PALS1: variants seen among roughly 807,000 people sequenced by gnomAD.
PALS1 encodes protein associated with LIN7 1, MAGUK p55 family member.
A neutral mutation model predicts 78.9 loss-of-function variants in PALS1; 31 were observed. That is an observed-to-expected ratio of 0.39 (90% confidence interval 0.30 to 0.53). The LOEUF (loss-of-function observed/expected upper bound fraction) is 0.53, where lower values mean the gene tolerates loss of function less well. Among genes scored for constraint, PALS1 ranks in the 20% least tolerant of loss-of-function variants. The pLI is 0.67. For missense variants in PALS1, 704 were observed against 826.5 expected (o/e 0.85, Z 1.82); for synonymous variants, 276 against 270.9 (o/e 1.02, Z -0.18).
At position 67,246,652 on chromosome 14, in the gene PALS1, T is replaced by G. The variant is rs1567496872; in HGVS notation, c.-237+5119T>G. ...CACTGAGCCTGGCCTACTATAGGTT[T>G]TTTTTTTTTTTTTTTTTGAGATGGA... On this transcript the variant is annotated intron_variant, in intron 1 of 14. Transcript: ENST00000261681. Among the ~76,000 whole-genome samples, 44 of 145,732 alleles carry G rather than the reference T, an allele frequency of 3.0e-4. 1 individual carries two copies. Among genetic ancestry groups the G allele is most frequent in the Non-Finnish European group, 1.5e-5 (1 of 66,018 alleles).
At chr14:67,269,249 TAATA>T (rs1405769830) in intron 1 of PALS1, among the ~76,000 whole-genome samples, 2 of 152,242 alleles carry the variant, frequency 1.3e-5, no homozygotes, top group Non-Finnish European at 2.9e-5. Context: ...ATACAACTTT[TAATA>T]AATTCATCAG....
chr14:67,258,044 G>C (rs1567504435), intron 1 of PALS1, among the ~76,000 whole-genome samples: 1 of 151,674 alleles, frequency 6.6e-6, no homozygotes, highest in Admixed American at 6.6e-5. Context: ...TAAATGTTTG[G>C]CAATAGGTAG....
intron 3 of PALS1, among the ~76,000 whole-genome samples, chr14:67,282,399 G>A (rs1416186572): frequency 6.6e-6 from 1 of 152,100 alleles, no homozygotes; most frequent in Non-Finnish European, 1.5e-5. Flanking sequence ...TCTCTGAGAG[G>A]AAGCCTTCAG....
chr14:67,326,439 T>G (rs2085360401), intron 14 of PALS1, among the ~76,000 whole-genome samples: 1 of 151,960 alleles, frequency 6.6e-6, no homozygotes, highest in Non-Finnish European at 1.5e-5. Flanking sequence ...ATGCAATATA[T>G]TTGATTTTCT....
intron 3 of PALS1, among the ~76,000 whole-genome samples, chr14:67,288,693 CTT>C (rs974280606): frequency 3.3e-5 from 5 of 151,988 alleles, no homozygotes; most frequent in Non-Finnish European, 7.4e-5. Flanking sequence ...TATTTAATCT[CTT>C]AGGGAATTCT....
chr14:67,325,201 A>G (rs908988437), intron 14 of PALS1, among the ~76,000 whole-genome samples: 3 of 152,014 alleles, frequency 2.0e-5, no homozygotes, highest in South Asian at 2.1e-4. Flanking sequence ...CACCAGGCCC[A>G]GCCTCCTTTC....
intron 8 of PALS1, among the ~76,000 whole-genome samples, chr14:67,309,785 G>A (rs144797618): frequency 2.4e-4 from 37 of 152,260 alleles, no homozygotes; most frequent in Admixed American, 4.6e-4. Context: ...TGCGGCATGA[G>A]AATTCATCAT....
Position 67,325,598 on chromosome 14 carries a change from A to G in PALS1, c.1851+1786A>G, listed in dbSNP as rs112230261. ...AATACTGTGTAAAATTTAGTGTCCA[A>G]TAACTACTTTGGTAGAACAGAAACT... On this transcript the variant is annotated intron_variant, in intron 14 of 14. Coordinates refer to ENST00000261681, the MANE Select transcript of PALS1 (RefSeq NM_022474.4). Among the ~76,000 whole-genome samples the G allele has an allele frequency of 3.4e-3, 520 of 152,308 alleles. 1 individual carries two copies. Among genetic ancestry groups the G allele is most frequent in the Non-Finnish European group, 6.2e-3 (422 of 68,024 alleles).
intron 11 of PALS1, among the ~76,000 whole-genome samples, chr14:67,318,274 A>G (rs2085209101): frequency 6.6e-6 from 1 of 152,242 alleles, no homozygotes; most frequent in Admixed American, 6.5e-5. Flanking sequence ...ATTATAGATC[A>G]TTATAATATT....
intron 11 of PALS1, among the ~76,000 whole-genome samples, chr14:67,319,827 C>T (rs553201584): frequency 1.3e-5 from 2 of 152,282 alleles, no homozygotes; most frequent in African/African-American, 4.8e-5. Flanking sequence ...CCATTGTATT[C>T]AGCGTATACA....
At chr14:67,308,506 G>A (rs1162801835) in intron 8 of PALS1, among the ~76,000 whole-genome samples, 1 of 150,306 alleles carries the variant, frequency 6.7e-6, no homozygotes, top group Non-Finnish European at 1.5e-5. Context: ...TATAGATCCT[G>A]AGTTTTAGAT....
intron 3 of PALS1, among the ~76,000 whole-genome samples, chr14:67,287,045 G>A (rs1288974423): frequency 2.6e-5 from 4 of 151,846 alleles, no homozygotes; most frequent in African/African-American, 9.7e-5. Context: ...GTGAAATCTT[G>A]TCTCTACAAA....
chr14:67,269,059 T>C (rs1232283020), intron 1 of PALS1, among the ~76,000 whole-genome samples: 1 of 152,216 alleles, frequency 6.6e-6, no homozygotes, highest in Non-Finnish European at 1.5e-5. Context: ...AGGCAACCAC[T>C]GATCTACTTT....
chr14:67,321,604 T>G (rs1166893341), intron 13 of PALS1, among the ~76,000 whole-genome samples: 1 of 152,216 alleles, frequency 6.6e-6, no homozygotes, highest in Non-Finnish European at 1.5e-5. Flanking sequence ...AATTCATTTA[T>G]CTTTTATATA....
At chr14:67,290,210 T>C (rs2084752197) in intron 3 of PALS1, among the ~76,000 whole-genome samples, 1 of 152,124 alleles carries the variant, frequency 6.6e-6, no homozygotes, top group African/African-American at 2.4e-5. Flanking sequence ...AAAGAGGGAA[T>C]GGGAGGTAAC....
intron 11 of PALS1, among the ~76,000 whole-genome samples, chr14:67,318,146 T>A (rs1485182436): frequency 6.6e-6 from 1 of 152,236 alleles, no homozygotes; most frequent in Non-Finnish European, 1.5e-5. Context: ...TTGGTTCACA[T>A]TAGAAGCAAC....
At chr14:67,318,583 A>AT (rs578116761) in intron 11 of PALS1, among the ~76,000 whole-genome samples, 85 of 152,304 alleles carry the variant, frequency 5.6e-4, no homozygotes, top group Non-Finnish European at 7.6e-4. Context: ...ATAAACTCAG[A>AT]TTTTTCAGAG....
chr14:67,288,926 G>T (rs996879634), intron 3 of PALS1, among the ~76,000 whole-genome samples: 1 of 149,218 alleles, frequency 6.7e-6, no homozygotes, highest in Non-Finnish European at 1.5e-5. Flanking sequence ...TATGTTTAGA[G>T]AATAATGACA....
chr14:67,265,950 A>G (rs1006919260), intron 1 of PALS1, among the ~76,000 whole-genome samples: 3 of 152,072 alleles, frequency 2.0e-5, no homozygotes, highest in Admixed American at 1.3e-4. Context: ...TCCATTAAAA[A>G]ACTTTTAAAA....
Sources: gnomAD v4.1 joint callset for allele counts (sites outside exome capture counted in the v4.1 genomes callset) on GRCh38, gnomAD v4.1.1 for gene constraint, MANE v1.5 for transcripts, NCBI Gene and HGNC (gene_info 2026-07-23, HGNC 2026-07-21) for gene names.